The following IL1RAPL2 variants were observed in gnomAD, a reference collection of about 807,000 sequenced individuals.
IL1RAPL2 encodes interleukin 1 receptor accessory protein like 2.
IL1RAPL2 carries 3 observed loss-of-function variants against 44.1 expected under a neutral mutation model. The observed-to-expected ratio is 0.07, with a 90% CI of 0.03 to 0.18. The LOEUF (loss-of-function observed/expected upper bound fraction) is 0.18, where lower values mean the gene tolerates loss of function less well. IL1RAPL2 is among the 10% of genes least tolerant of loss of function. IL1RAPL2 has a pLI of 1.00. For missense variants in IL1RAPL2, 391 were observed against 496.4 expected, an observed-to-expected ratio of 0.79 and a Z score of 2.02; for synonymous variants, 181 against 178.8, an observed-to-expected ratio of 1.01 and a Z score of -0.10.
rs1476135918 is a variant in IL1RAPL2 at position 105,767,304 on chromosome X, T to C, written c.1704T>C (p.His568=). Reference sequence around the variant, plus strand: ...AAAAAGAAATGCTACCTCGGTGCCATGTTCTGGACTCCGCAGAACAAGGAC... The same window carrying C: ...AAAAAGAAATGCTACCTCGGTGCCACGTTCTGGACTCCGCAGAACAAGGAC... ...IKKKEMLPRC[H]VLDSAEQGLF... The change falls in exon 11 of 11, where the codon CAT becomes CAC. Residue 568 remains histidine, a synonymous_variant. Coordinates refer to ENST00000372582, the MANE Select transcript of IL1RAPL2 (RefSeq NM_017416.2). 1.7e-6 allele frequency: 2 copies of C among 1,211,373 alleles called. No homozygotes were observed. Among genetic ancestry groups the C allele is most frequent in the Admixed American group, 2.2e-5 (1 of 46,102 alleles).
At chrX:105,074,913 G>T (rs1337443978) in intron 2 of IL1RAPL2, among the ~76,000 whole-genome samples, 3 of 111,314 alleles carry the variant, frequency 2.7e-5, no homozygotes, top group East Asian at 2.8e-4. Context: ...CTTTGCTGAA[G>T]TTGCTTATCA....
At chrX:105,075,987 A>C (rs1428936497) in intron 2 of IL1RAPL2, among the ~76,000 whole-genome samples, 4 of 111,429 alleles carry the variant, frequency 3.6e-5, no homozygotes, top group African/African-American at 1.3e-4. Context: ...TCTTTTCAAA[A>C]AACCAGCTCC....
At chrX:105,415,513 T>A (rs1031813349) in intron 5 of IL1RAPL2, among the ~76,000 whole-genome samples, 1 of 111,976 alleles carries the variant, frequency 8.9e-6, no homozygotes, top group African/African-American at 3.2e-5. Context: ...GAAATTTGTG[T>A]CCCTAATTGT....
Position 105,363,308 on chromosome X carries a change from AATAT to A in IL1RAPL2, c.697+95786_697+95789del, listed in dbSNP as rs1219827978. Among the ~76,000 whole-genome samples the A allele has an allele frequency of 4.2e-4, 29 of 68,553 alleles. 1 individual carries two copies. The South Asian group carries it at 6.7e-3, about 16-fold the overall frequency. 59.5% of individuals were successfully genotyped at this position (68,553 alleles called of 115,157 possible). A position where few individuals can be genotyped will look rare whatever the true frequency, so the allele number is the denominator to read the frequency against. ...ATATATAATATATATATATATATAT[AATAT>A]ATATATATATATATATATTCTTCAT... On this transcript the variant is annotated intron_variant, in intron 5 of 10. Coordinates refer to ENST00000372582, the MANE Select transcript of IL1RAPL2 (RefSeq NM_017416.2).
At chrX:105,333,699 G>A (rs933733643) in intron 5 of IL1RAPL2, among the ~76,000 whole-genome samples, 2 of 111,175 alleles carry the variant, frequency 1.8e-5, no homozygotes, top group Non-Finnish European at 3.8e-5. Flanking sequence ...TAAAAAATGG[G>A]CAAAAATATT....
chrX:104,573,644 A>G (rs761970319), intron 1 of IL1RAPL2, among the ~76,000 whole-genome samples: 1 of 112,348 alleles, frequency 8.9e-6, no homozygotes, highest in Non-Finnish European at 1.9e-5. Context: ...CATATCAAAC[A>G]CCAGAATAAA....
At chrX:104,885,961 C>T (rs759120677) in intron 2 of IL1RAPL2, among the ~76,000 whole-genome samples, 25 of 112,804 alleles carry the variant, frequency 2.2e-4, no homozygotes, top group South Asian at 1.1e-3. Flanking sequence ...CCCGGGCAAG[C>T]GCCAGCTCAT....
chrX:105,026,042 C>G (rs1352901607), intron 2 of IL1RAPL2, among the ~76,000 whole-genome samples: 1 of 110,766 alleles, frequency 9.0e-6, no homozygotes, highest in African/African-American at 3.3e-5. Flanking sequence ...GACCAGGAAT[C>G]TGCGGAAAAG....
chrX:104,582,864 C>CTT (rs1928434277), intron 1 of IL1RAPL2, among the ~76,000 whole-genome samples: 1 of 72,580 alleles, frequency 1.4e-5, no homozygotes, highest in East Asian at 3.9e-4. Flanking sequence ...TTCTTTCTTT[C>CTT]TTTCTTTTTC....
chrX:105,384,466 A>G (rs1454840184), intron 5 of IL1RAPL2, among the ~76,000 whole-genome samples: 2 of 110,982 alleles, frequency 1.8e-5, no homozygotes, highest in East Asian at 2.8e-4. Flanking sequence ...ATTTTAGTCT[A>G]TGTGTCTATT....
chrX:105,188,248 T>G (rs2033606407), intron 2 of IL1RAPL2, among the ~76,000 whole-genome samples: 1 of 110,741 alleles, frequency 9.0e-6, no homozygotes, highest in South Asian at 3.9e-4. Context: ...GGGGCAGATT[T>G]GGTAGGGGAG....
At chrX:104,934,696 G>A (rs1924987672) in intron 2 of IL1RAPL2, among the ~76,000 whole-genome samples, 1 of 111,801 alleles carries the variant, frequency 8.9e-6, no homozygotes, top group South Asian at 3.7e-4. Context: ...TTGTCAAACA[G>A]CTTGAATAGG....
intron 2 of IL1RAPL2, among the ~76,000 whole-genome samples, chrX:105,093,643 C>T (rs1007306748): frequency 5.4e-5 from 6 of 111,474 alleles, no homozygotes; most frequent in Non-Finnish European, 7.5e-5. Flanking sequence ...GTAAGCCTAG[C>T]GAAGACTGAA....
intron 6 of IL1RAPL2, among the ~76,000 whole-genome samples, chrX:105,600,675 A>C (rs2037244814): frequency 1.1e-5 from 1 of 87,957 alleles, no homozygotes; most frequent in African/African-American, 4.0e-5. Context: ...ATAATATTTG[A>C]TAATAGAATA....
chrX:105,681,130 G>C (rs2037921820), intron 6 of IL1RAPL2, among the ~76,000 whole-genome samples: 1 of 111,545 alleles, frequency 9.0e-6, no homozygotes. Context: ...AAGGGAAAGG[G>C]GAACAGGGAG....
chrX:105,680,739 T>G (rs902357625), intron 6 of IL1RAPL2, among the ~76,000 whole-genome samples: 3 of 112,217 alleles, frequency 2.7e-5, no homozygotes, highest in Non-Finnish European at 5.6e-5. Flanking sequence ...TAAATTATTA[T>G]AAGTTGTAGA....
At chrX:104,718,594 G>GATT (rs1931621832) in intron 2 of IL1RAPL2, among the ~76,000 whole-genome samples, 2 of 110,876 alleles carry the variant, frequency 1.8e-5, no homozygotes, top group African/African-American at 6.6e-5. Flanking sequence ...TGTAAGACGT[G>GATT]GCTTGTTTCC....
In IL1RAPL2 at chrX:105,091,282, C is replaced by T. The variant is rs138607187; in HGVS notation, c.83-104193C>T. 6.3e-5 allele frequency among the ~76,000 whole-genome samples: 7 copies of T among 111,918 alleles called. No homozygotes were observed. In the East Asian group the frequency reaches 2.0e-3, roughly 32 times the overall value. ...AGCCTCTTCTCAAATGTATACCTGG[C>T]AGTAATTTTCCCATGAATGGTCTTG... On this transcript the variant is annotated intron_variant, in intron 2 of 10. Transcript: ENST00000372582.
At chrX:105,469,226 G>A (rs1275909929) in intron 5 of IL1RAPL2, among the ~76,000 whole-genome samples, 1 of 111,313 alleles carries the variant, frequency 9.0e-6, no homozygotes, top group Non-Finnish European at 1.9e-5. Context: ...TGTCTAGGAT[G>A]GAAAAGGGTT....
Sources: allele counts gnomAD v4.1 joint callset (sites outside exome capture counted in the v4.1 genomes callset), GRCh38; gene constraint gnomAD v4.1.1; transcripts MANE v1.5; gene names NCBI Gene and HGNC (gene_info 2026-07-23, HGNC 2026-07-21).